Variants in CTXND1 observed in about 807,000 individuals in gnomAD.
CTXND1 encodes the protein cortexin domain containing 1.
intron 1 of CTXND1, among the ~76,000 whole-genome samples, chr15:80,240,297 G>A (rs1046825405): frequency 1.3e-5 from 2 of 152,098 alleles, no homozygotes; most frequent in African/African-American, 4.8e-5. Flanking sequence ...TCCCAAAATT[G>A]CATAAACCTT....
intron 1 of CTXND1, among the ~76,000 whole-genome samples, chr15:80,208,955 C>T (rs554757980): frequency 1.3e-5 from 2 of 152,334 alleles, no homozygotes; most frequent in East Asian, 3.9e-4. Context: ...TTCCTGCTCC[C>T]ATGTTTCACA....
chr15:80,228,346 C>A (rs72740093), intron 1 of CTXND1, among the ~76,000 whole-genome samples: 11,189 of 152,204 alleles, frequency 0.074, 589 homozygotes, highest in Admixed American at 0.12. Flanking sequence ...ATGATAAATT[C>A]TTTGCAGAGG....
intron 1 of CTXND1, among the ~76,000 whole-genome samples, chr15:80,229,218 C>T (rs915143651): frequency 2.6e-5 from 4 of 152,280 alleles, no homozygotes; most frequent in Middle Eastern, 3.4e-3. Context: ...CGCCCGGCCC[C>T]GCACCCTGAC....
At position 80,197,772 on chromosome 15, in the gene CTXND1, A is replaced by G. The variant is rs948673318; in HGVS notation, c.*3998T>C. The G allele has an allele frequency of 7.9e-5, 12 of 152,236 alleles. No homozygotes were observed. Among genetic ancestry groups the G allele is most frequent in the African/African-American group, 2.9e-4 (12 of 41,456 alleles). 9.4% of individuals were successfully genotyped at this position (152,236 alleles called of 1,614,324 possible). ...CAACAGCAAGACCTAGGGGGTATGA[A>G]ACCACACTAGTGGACACACCAAACT... On this transcript the variant is annotated 3_prime_UTR_variant, in exon 3 of 3. Transcript: ENST00000560778.
chr15:80,249,191 G>T (rs1007797919), intron 1 of CTXND1, among the ~76,000 whole-genome samples: 4 of 152,102 alleles, frequency 2.6e-5, no homozygotes, highest in African/African-American at 9.7e-5. Flanking sequence ...GGCTTCAAGC[G>T]ATTCTCTTGC....
chr15:80,213,400 A>G (rs1893220955), intron 1 of CTXND1, among the ~76,000 whole-genome samples: 1 of 152,110 alleles, frequency 6.6e-6, no homozygotes, highest in South Asian at 2.1e-4. Flanking sequence ...TATATGGCAA[A>G]AAGGACCGTG....
At chr15:80,203,853 ACT>A in intron 1 of CTXND1, 113 bp from the exon 2 acceptor site, 1 of 151,658 alleles carries the variant, frequency 6.6e-6, no homozygotes, top group East Asian at 1.9e-4. Context: ...GAGCTGCCAC[ACT>A]CTGTTACTTG....
At chr15:80,231,141 G>C (rs1018974049) in intron 1 of CTXND1, among the ~76,000 whole-genome samples, 35 of 150,136 alleles carry the variant, frequency 2.3e-4, no homozygotes, top group African/African-American at 8.3e-4. Flanking sequence ...TCTTGTTATT[G>C]CTATCTAGCT....
chr15:80,232,377 C>G (rs904395097), intron 1 of CTXND1, among the ~76,000 whole-genome samples: 1 of 152,130 alleles, frequency 6.6e-6, no homozygotes, highest in Non-Finnish European at 1.5e-5. Flanking sequence ...AAATCGAGCT[C>G]ATGTTTCTAA....
chr15:80,229,595 T>G (rs1386981186), intron 1 of CTXND1, among the ~76,000 whole-genome samples: 1 of 152,198 alleles, frequency 6.6e-6, no homozygotes, highest in Non-Finnish European at 1.5e-5. Flanking sequence ...ATTCTTACAT[T>G]GAAACTCTGT....
rs184282868 is a variant in CTXND1 at position 80,204,631 on chromosome 15, C to T, written c.-217-891G>A. Among the ~76,000 whole-genome samples, 172 of 122,164 alleles carry T rather than the reference C, an allele frequency of 1.4e-3. 2 individuals are homozygous for T. The highest frequency in any genetic ancestry group is 5.0e-3 in the African/African-American group (151 of 30,380). 80.1% of individuals were successfully genotyped at this position (122,164 alleles called of 152,430 possible). A position where few individuals can be genotyped will look rare whatever the true frequency, so the allele number is the denominator to read the frequency against. ...TCAGAATTTCATTTTTTTTAAGGTC[C>T]GAATAATATTCCATTGTATATATAT... On this transcript the variant is annotated intron_variant, in intron 1 of 2. Coordinates refer to ENST00000560778, the MANE Select transcript of CTXND1 (RefSeq NM_001352888.2).
intron 1 of CTXND1, among the ~76,000 whole-genome samples, chr15:80,230,026 A>G (rs147887399): frequency 2.0e-5 from 3 of 152,290 alleles, no homozygotes; most frequent in African/African-American, 7.2e-5. Flanking sequence ...TCATGTTCAG[A>G]ATTATTTGAA....
intron 1 of CTXND1, among the ~76,000 whole-genome samples, chr15:80,204,042 A>T (rs1893116056): frequency 6.7e-6 from 1 of 148,898 alleles, no homozygotes; most frequent in Non-Finnish European, 1.5e-5. Context: ...GCATGCCTGT[A>T]ATCCCAGCTA....
intron 1 of CTXND1, among the ~76,000 whole-genome samples, chr15:80,229,208 C>T (rs537290460): frequency 6.6e-6 from 1 of 152,262 alleles, no homozygotes; most frequent in African/African-American, 2.4e-5. Flanking sequence ...ACAACCCTCC[C>T]GCCCGGCCCC....
chr15:80,250,298 A>G (rs1595912236), intron 1 of CTXND1, among the ~76,000 whole-genome samples: 1 of 152,172 alleles, frequency 6.6e-6, no homozygotes, highest in South Asian at 2.1e-4. Context: ...ATCACAATTT[A>G]TAAGCAAGCA....
intron 1 of CTXND1, among the ~76,000 whole-genome samples, chr15:80,245,332 G>C (rs934206828): frequency 6.6e-6 from 1 of 152,138 alleles, no homozygotes; most frequent in Non-Finnish European, 1.5e-5. Flanking sequence ...CACTGTTCCC[G>C]AAGAGACAGT....
intron 1 of CTXND1, among the ~76,000 whole-genome samples, chr15:80,216,928 T>C (rs552211414): frequency 2.6e-5 from 4 of 152,130 alleles, no homozygotes; most frequent in Admixed American, 1.3e-4. Context: ...TCCATTATTT[T>C]AGAGTTTGAT....
At chr15:80,222,726 TA>T (rs1893331189) in intron 1 of CTXND1, among the ~76,000 whole-genome samples, 1 of 152,186 alleles carries the variant, frequency 6.6e-6, no homozygotes, top group African/African-American at 2.4e-5. Flanking sequence ...ATTTTACTTT[TA>T]TTGTTGTTCT....
chr15:80,249,324 T>G (rs1409315631), intron 1 of CTXND1, among the ~76,000 whole-genome samples: 3 of 152,188 alleles, frequency 2.0e-5, no homozygotes, highest in Admixed American at 6.5e-5. Context: ...AGGGATAGAA[T>G]GCCATTTTGG....
Sources: allele counts gnomAD v4.1 joint callset (sites outside exome capture counted in the v4.1 genomes callset), GRCh38; gene constraint gnomAD v4.1.1; transcripts MANE v1.5; gene names NCBI Gene and HGNC (gene_info 2026-07-23, HGNC 2026-07-21).